CDC20B: variants seen among roughly 807,000 people sequenced by gnomAD.
CDC20B encodes cell division cycle protein 20 homolog B.
A neutral mutation model predicts 64.1 loss-of-function variants in CDC20B; 58 were observed. That is an observed-to-expected ratio of 0.90 (90% CI 0.73 to 1.13). CDC20B has a LOEUF of 1.13. Among genes scored for constraint, CDC20B ranks in the 50% most tolerant of loss-of-function variants. CDC20B has a pLI of 0.00. For missense variants in CDC20B, 597 were observed against 633.0 expected (o/e 0.94, Z 0.61); for synonymous variants, 243 against 230.6 (o/e 1.05, Z -0.49).
At chr5:55,160,066 T>G in intron 2 of CDC20B, 1 of 659,348 alleles carries the variant, frequency 1.5e-6, no homozygotes. Context: ...GAAGTGGTCT[T>G]TCTGTTCCTT....
chr5:55,153,297 C>T (rs1182418135), intron 2 of CDC20B, among the ~76,000 whole-genome samples: 1 of 108,564 alleles, frequency 9.2e-6, no homozygotes, highest in Non-Finnish European at 2.0e-5. Context: ...GTAAAATAAA[C>T]ATTTCTGCAG....
intron 6 of CDC20B, among the ~76,000 whole-genome samples, chr5:55,130,952 T>C (rs1367456033): frequency 1.3e-5 from 2 of 151,632 alleles, no homozygotes; most frequent in African/African-American, 4.8e-5. Flanking sequence ...TAAGACCCCA[T>C]CTCTATAAAA....
At chr5:55,160,831 T>C in intron 2 of CDC20B, 1 of 668,970 alleles carries the variant, frequency 1.5e-6, no homozygotes, top group East Asian at 2.9e-5. Flanking sequence ...CCCAGGCATC[T>C]AGGTTACAGT....
At chr5:55,118,051 G>A (rs529347869) in intron 11 of CDC20B, among the ~76,000 whole-genome samples, 161 of 152,120 alleles carry the variant, frequency 1.1e-3, no homozygotes, top group Admixed American at 1.0e-3. Flanking sequence ...CTTGGGAGGC[G>A]GAGGTTGCAG....
rs77427891 is a variant in CDC20B at position 55,114,911 on chromosome 5, T to C, written c.1460-593A>G. On this transcript the variant is annotated intron_variant, in intron 11 of 11. Coordinates refer to ENST00000381375, the MANE Select transcript of CDC20B (RefSeq NM_001170402.1). The surrounding 1 kb of genome is among the most constrained non-coding windows in gnomAD (Gnocchi z 4.1). ...TTTCTGAATAGGTCCCAGTCTGAGG[T>C]TCCAGAGATTTAGCATGGGTATCCT... Among the ~76,000 whole-genome samples the C allele has an allele frequency of 3.8e-4, 58 of 152,274 alleles. No homozygotes were observed. The East Asian group carries it at 0.011, about 28-fold the overall frequency.
intron 11 of CDC20B, among the ~76,000 whole-genome samples, chr5:55,118,469 C>G (rs2111793227): frequency 6.6e-6 from 1 of 152,272 alleles, no homozygotes; most frequent in African/African-American, 2.4e-5. Flanking sequence ...CAAGGAAATA[C>G]ACCTGGTAAG....
chr5:55,151,083 C>T (rs144347290), intron 2 of CDC20B, among the ~76,000 whole-genome samples: 93 of 152,198 alleles, frequency 6.1e-4, no homozygotes, highest in African/African-American at 2.2e-3. Context: ...TATTTCTCTC[C>T]GCTAAGAAAA....
rs771639463 is a variant in CDC20B at position 55,114,312 on chromosome 5, C to CT, written c.1465dup (p.Arg489LysfsTer22). 1 of 1,613,518 alleles carries CT rather than the reference C, an allele frequency of 6.2e-7. No homozygotes were observed. Among genetic ancestry groups the CT allele is most frequent in the African/African-American group, 1.3e-5 (1 of 74,920 alleles). On this transcript the variant is annotated frameshift_variant, in exon 12 of 12. Coordinates refer to ENST00000381375, the MANE Select transcript of CDC20B (RefSeq NM_001170402.1). LOFTEE classifies it high-confidence loss of function. The surrounding 1 kb of genome is among the most constrained non-coding windows in gnomAD (Gnocchi z 4.1). ...CAAAGACAGGTGCAGCACTCTGCCC[C>CT]TGTGGCCTGGGGGAAGAAGGAAAGA...
intron 7 of CDC20B, 91 bp downstream of exon 7, chr5:55,128,330 T>A (rs1285950776): frequency 9.9e-7 from 1 of 1,007,434 alleles, no homozygotes; most frequent in African/African-American, 1.7e-5. Context: ...ACACCTAGTT[T>A]CTCTATTTTA....
chr5:55,151,541 G>T lies in CDC20B; in HGVS notation c.127-4685C>A, dbSNP rs564308661. On this transcript the variant is annotated intron_variant, in intron 2 of 11. Transcript: ENST00000381375. ...TTAAATATACATTTTTAAAATTCTG[G>T]GTTTAAAAGAGGAAATTAAAGAATA... 2.6e-5 allele frequency among the ~76,000 whole-genome samples: 4 copies of T among 152,276 alleles called. No homozygotes were observed. The South Asian group carries it at 8.3e-4, about 32-fold the overall frequency.
Position 55,146,799 on chromosome 5 carries a change from G to T in CDC20B, c.184C>A (p.Leu62Met). The T allele has an allele frequency of 6.2e-7, 1 of 1,614,140 alleles. No individual in the cohort carries two copies. Among genetic ancestry groups the T allele is most frequent in the Non-Finnish European group, 8.5e-7 (1 of 1,180,016 alleles). Residue 62 changes from leucine to methionine, a missense_variant, in exon 3 of 12, where the codon CTG becomes ATG. Physicochemically the swap from Leu to Met is conservative, Grantham distance 15. This residue lies in a region of CDC20B where 241 missense variants were observed against 219.2 expected (regional missense o/e 1.10). Coordinates refer to ENST00000381375, the MANE Select transcript of CDC20B (RefSeq NM_001170402.1). Reference sequence around the variant, plus strand: ...CTCGCAACAGGAACCTCTGCGGACAGCCTCTTCGCAAAGTTGCTCTTAAAG... The same window carrying T: ...CTCGCAACAGGAACCTCTGCGGACATCCTCTTCGCAAAGTTGCTCTTAAAG... The part of the protein sequence containing the change: ...SDFKSNFAKR[L>M]SAEVPVASSP...
At chr5:55,119,083 G>A (rs1023322706) in intron 11 of CDC20B, among the ~76,000 whole-genome samples, 1 of 152,210 alleles carries the variant, frequency 6.6e-6, no homozygotes, top group Admixed American at 6.5e-5. Flanking sequence ...GGATTGGCCA[G>A]GAGGCCAGGT....
At chr5:55,120,207 A>G (rs2111798992) in intron 10 of CDC20B, among the ~76,000 whole-genome samples, 1 of 152,298 alleles carries the variant, frequency 6.6e-6, no homozygotes, top group African/African-American at 2.4e-5. Context: ...AGTGATGGGG[A>G]AAGAAAGGAA....
At chr5:55,134,574 C>A (rs1388023623) in intron 5 of CDC20B, among the ~76,000 whole-genome samples, 2 of 152,078 alleles carry the variant, frequency 1.3e-5, no homozygotes, top group Non-Finnish European at 2.9e-5. Flanking sequence ...CCCACCTGGG[C>A]AACACGGTGA....
chr5:55,160,460 T>C, intron 2 of CDC20B: 2 of 1,351,094 alleles, frequency 1.5e-6, no homozygotes, highest in Non-Finnish European at 1.0e-6. Flanking sequence ...TTCCTCTTAA[T>C]AAAATCAATT....
chr5:55,154,372 G>A (rs1398890524), intron 2 of CDC20B, among the ~76,000 whole-genome samples: 1 of 152,076 alleles, frequency 6.6e-6, no homozygotes, highest in Non-Finnish European at 1.5e-5. Context: ...CAAAAAACTA[G>A]CTGGGCATGG....
intron 2 of CDC20B, among the ~76,000 whole-genome samples, chr5:55,158,108 T>G (rs1743864825): frequency 6.6e-6 from 1 of 152,070 alleles, no homozygotes; most frequent in Admixed American, 6.5e-5. Context: ...CTTAAACGTG[T>G]GTATGTGTCA....
Position 55,114,457 on chromosome 5 carries a change from C to T in CDC20B, c.1460-139G>A. On this transcript the variant is annotated intron_variant, in intron 11 of 11. Transcript: ENST00000381375. This position sits in a 1 kb window ranked among gnomAD's most constrained non-coding sequence, Gnocchi z 4.1. ...CCCACACCCACCAGGTTCAGAGCTGCCACCAACTGAGCCATGCTGGGAGAC... is the reference window on the plus strand; with the variant it reads ...CCCACACCCACCAGGTTCAGAGCTGTCACCAACTGAGCCATGCTGGGAGAC... The T allele has an allele frequency of 7.0e-7, 1 of 1,437,108 alleles. No individual in the cohort carries two copies. Among genetic ancestry groups the T allele is most frequent in the Non-Finnish European group, 9.2e-7 (1 of 1,088,452 alleles). The allele number at this position is 1,437,108 out of a possible 1,614,324, so 89.0% of individuals were successfully genotyped here.
intron 2 of CDC20B, among the ~76,000 whole-genome samples, chr5:55,149,261 G>A (rs1743590325): frequency 6.6e-6 from 1 of 152,184 alleles, no homozygotes; most frequent in South Asian, 2.1e-4. Context: ...TTTGTACATT[G>A]CAAGTGTACA....
Sources: gnomAD v4.1 joint callset for allele counts (sites outside exome capture counted in the v4.1 genomes callset) on GRCh38, gnomAD v4.1.1 for gene constraint, gnomAD v4.1.1 regional missense constraint, Gnocchi (gnomAD v3.1) non-coding constraint, MANE v1.5 for transcripts, NCBI Gene and HGNC (gene_info 2026-07-23, HGNC 2026-07-21) for gene names.